Variants in CSAD observed in about 807,000 individuals in gnomAD.
The protein encoded by CSAD is cysteine sulfinic acid decarboxylase, also known as P-selectin cytoplasmic tail-associated protein.
CSAD carries 47 observed loss-of-function variants against 61.5 expected under a neutral mutation model. That is an observed-to-expected ratio of 0.76 (90% confidence interval 0.60 to 0.97). CSAD has a LOEUF of 0.97. CSAD is among the 50% of genes least tolerant of loss of function. The pLI, the probability that CSAD is intolerant of heterozygous loss-of-function variation, is 0.00. For missense variants in CSAD, 611 were observed against 643.6 expected, an observed-to-expected ratio of 0.95 and a Z score of 0.55; for synonymous variants, 245 against 252.7, an observed-to-expected ratio of 0.97 and a Z score of 0.29.
chr12:53,179,763 A>G, intron 1 of CSAD: 1 of 1,605,870 alleles, frequency 6.2e-7, no homozygotes, highest in South Asian at 1.1e-5. Context: ...AAGTCACGAC[A>G]TAATATCACC....
At chr12:53,167,884 C>G (rs931636181) in intron 10 of CSAD, among the ~76,000 whole-genome samples, 7 of 152,022 alleles carry the variant, frequency 4.6e-5, no homozygotes, top group Non-Finnish European at 8.8e-5. Flanking sequence ...GGTATATAAC[C>G]AAGATAAATG....
chr12:53,170,244 A>G (rs1289874761), intron 9 of CSAD, 118 bp from the exon 10 acceptor site: 2 of 1,062,962 alleles, frequency 1.9e-6, no homozygotes, highest in African/African-American at 3.1e-5. Context: ...GGTGAAACAG[A>G]TCTCAGGGCA....
intron 1 of CSAD, chr12:53,180,344 G>A (rs1941477407): frequency 2.0e-6 from 2 of 985,310 alleles, no homozygotes; most frequent in Non-Finnish European, 2.4e-6. Context: ...GCGATGGGCA[G>A]GACGTCCGCG....
intron 10 of CSAD, among the ~76,000 whole-genome samples, chr12:53,163,798 G>A (rs373198364): frequency 2.0e-5 from 3 of 152,110 alleles, no homozygotes; most frequent in South Asian, 2.1e-4. Flanking sequence ...CCAGACTAGC[G>A]AAAAACAATC....
intron 1 of CSAD, chr12:53,179,575 C>G: frequency 3.9e-6 from 2 of 515,702 alleles, no homozygotes; most frequent in Non-Finnish European, 6.8e-6. Context: ...TCTCTTTCTC[C>G]ATTTTGTCTC....
intron 2 of CSAD, among the ~76,000 whole-genome samples, chr12:53,174,293 G>A (rs1940933960): frequency 7.0e-6 from 1 of 142,234 alleles, no homozygotes; most frequent in Admixed American, 7.1e-5. Context: ...AGGCGACAGA[G>A]CGAGACTCCA....
At chr12:53,159,480 C>G in intron 16 of CSAD, 143 bp downstream of exon 16, 2 of 666,308 alleles carry the variant, frequency 3.0e-6, no homozygotes, top group Non-Finnish European at 5.3e-6. Flanking sequence ...CCATCCCCAC[C>G]CCTACCGAAA....
chr12:53,174,867 T>C (rs1940988304), intron 2 of CSAD, among the ~76,000 whole-genome samples: 1 of 152,180 alleles, frequency 6.6e-6, no homozygotes, highest in South Asian at 2.1e-4. Flanking sequence ...GCTCAAGGAA[T>C]GTCCCTTGCA....
intron 8 of CSAD, chr12:53,170,718 G>A (rs1592340012): frequency 4.0e-6 from 2 of 505,900 alleles, no homozygotes; most frequent in Non-Finnish European, 7.1e-6. Flanking sequence ...TTCTGCATTT[G>A]TTTGTTTTTT....
rs751136563 is a variant in CSAD, at chr12:53,171,341, T to C, written c.552A>G (p.Leu184=). Residue 184 remains leucine, a synonymous_variant, in exon 8 of 17, where the codon CTA becomes CTG. Transcript: ENST00000444623. ...RGLRTLPPLA[L]FTSKECHYSI... ...TCTTCCCCACCTCCTTCGATGTGAA[T>C]AGGGCCAGGGGCGGCAGTGTGCGGA... The C allele has an allele frequency of 1.1e-5, 18 of 1,613,950 alleles. 1 individual carries two copies. The East Asian group carries it at 3.1e-4, about 28-fold the overall frequency.
chr12:53,174,121 G>A (rs1226971044), intron 2 of CSAD, among the ~76,000 whole-genome samples: 3 of 151,854 alleles, frequency 2.0e-5, no homozygotes, highest in East Asian at 1.9e-4. Context: ...TGGCTAACAC[G>A]GTGAAACCCC....
In CSAD at chr12:53,165,662, CA is replaced by C. The variant is rs540475159; in HGVS notation, c.703-4274del. On this transcript the variant is annotated intron_variant, in intron 10 of 16. Coordinates refer to ENST00000444623, the MANE Select transcript of CSAD (RefSeq NM_001244705.2). ...TGGGTGACAGAGCAAGACTCCATCT[CA>C]AAAAAAAAAAAAAAAAAAGAAGAAG... Among the ~76,000 whole-genome samples, 206 of 46,988 alleles carry C rather than the reference CA, an allele frequency of 4.4e-3. 1 individual carries two copies. The South Asian group carries it at 0.072, about 16-fold the overall frequency. 30.8% of individuals were successfully genotyped at this position (46,988 alleles called of 152,430 possible).
intron 7 of CSAD, 68 bp downstream of exon 7, chr12:53,171,814 C>G (rs1328475061): frequency 2.8e-6 from 3 of 1,057,532 alleles, no homozygotes; most frequent in Non-Finnish European, 4.4e-6. Context: ...GACACTAGAG[C>G]AAGAGAACGG....
intron 10 of CSAD, among the ~76,000 whole-genome samples, chr12:53,165,273 C>T (rs562953233): frequency 2.0e-5 from 3 of 151,846 alleles, no homozygotes; most frequent in Admixed American, 6.6e-5. Context: ...CCCAGGAGGT[C>T]GAGGCTGCAG....
intron 1 of CSAD, chr12:53,180,321 G>C: frequency 1.0e-6 from 1 of 985,448 alleles, no homozygotes; most frequent in Non-Finnish European, 1.2e-6. Flanking sequence ...TCTACTTGGG[G>C]CGCCGGCTCA....
chr12:53,180,506 G>A, intron 1 of CSAD: 1 of 1,259,762 alleles, frequency 7.9e-7, no homozygotes, highest in South Asian at 1.3e-5. Context: ...CGGCCACGGC[G>A]CACGCGCCGG....
In CSAD at chr12:53,160,834, CAG is replaced by C. The variant is rs1334151167; in HGVS notation, c.893_894del (p.Ser298CysfsTer104). On this transcript the variant is annotated frameshift_variant, in exon 13 of 17. Coordinates refer to ENST00000444623, the MANE Select transcript of CSAD (RefSeq NM_001244705.2). LOFTEE classifies it high-confidence loss of function. ...AGGAGCTTGTGGGGATTCCAGGCCA[CAG>C]AGTCAGCCCTGGATGGGGTGGAGCA... ...HLLDGIQRAD[S>X]VAWNPHKLLA... is the part of the protein sequence containing the mutation. 4 of 1,551,948 alleles carry C rather than the reference CAG, an allele frequency of 2.6e-6. No individual in the cohort carries two copies. In the Admixed American group the frequency reaches 5.9e-5, roughly 23 times the overall value.
At chr12:53,170,867 C>A (rs1283736214) in intron 8 of CSAD, 1 of 378,812 alleles carries the variant, frequency 2.6e-6, no homozygotes, top group African/African-American at 2.1e-5. Flanking sequence ...ACTACAGGTG[C>A]CCACCACCAT....
intron 10 of CSAD, among the ~76,000 whole-genome samples, chr12:53,167,379 A>C (rs1376726695): frequency 2.0e-5 from 3 of 152,196 alleles, no homozygotes; most frequent in Non-Finnish European, 2.9e-5. Flanking sequence ...GTCTCAGCTC[A>C]ACCATCCCTT....
Sources: gnomAD v4.1 joint callset for allele counts (sites outside exome capture counted in the v4.1 genomes callset) on GRCh38, gnomAD v4.1.1 for gene constraint, MANE v1.5 for transcripts, NCBI Gene and HGNC (gene_info 2026-07-23, HGNC 2026-07-21) for gene names.